INPP5F: variants seen among roughly 807,000 people sequenced by gnomAD.
INPP5F encodes phosphatidylinositide 4-phosphatase SAC2.
Under a neutral mutation model 137.2 loss-of-function variants are expected in INPP5F, and 97 were observed. The ratio of observed to expected loss-of-function variants is 0.71; its 90% CI spans 0.60 to 0.84. The LOEUF (loss-of-function observed/expected upper bound fraction) is 0.84, where lower values mean the gene tolerates loss of function less well. Among genes scored for constraint, INPP5F ranks in the 40% least tolerant of loss-of-function variants. The pLI is 0.00. For missense variants in INPP5F, 1,271 were observed against 1,371.9 expected (o/e 0.93, Z 1.16); for synonymous variants, 504 against 476.9 (o/e 1.06, Z -0.74).
At chr10:119,818,140 C>T (rs1470734758) in intron 15 of INPP5F, among the ~76,000 whole-genome samples, 1 of 152,260 alleles carries the variant, frequency 6.6e-6, no homozygotes, top group East Asian at 1.9e-4. Flanking sequence ...TCTGTCCGGG[C>T]TACCTTAGAC....
intron 6 of INPP5F, among the ~76,000 whole-genome samples, chr10:119,792,844 A>G (rs565192525): frequency 5.9e-5 from 9 of 152,364 alleles, no homozygotes; most frequent in African/African-American, 2.2e-4. Context: ...TCTTTTAGAC[A>G]TTAAACAAAG....
chr10:119,820,188 A>C (rs1463494547), intron 15 of INPP5F, among the ~76,000 whole-genome samples: 2 of 152,200 alleles, frequency 1.3e-5, no homozygotes, highest in African/African-American at 4.8e-5. Context: ...ATTTTACTGT[A>C]GTTTTGGTTT....
chr10:119,827,646 T>A lies in INPP5F; in HGVS notation c.3265T>A (p.Leu1089Ile). The change falls in exon 20 of 20, where the codon TTA becomes ATA. Residue 1089 changes from leucine (L) to isoleucine (I), a missense_variant. Transcript: ENST00000650623. ...GGTTGCTAGTATTACCCAAGCTGGATTAACCCATGGGATAAACTTTGCAGT... is the reference window on the plus strand; with the variant it reads ...GGTTGCTAGTATTACCCAAGCTGGAATAACCCATGGGATAAACTTTGCAGT... Reference protein sequence around the residue: ...VQVASITQAGLTHGINFAVSK... With the variant: ...VQVASITQAGITHGINFAVSK... 6.2e-7 allele frequency: 1 copy of A among 1,614,148 alleles called. No homozygotes were observed. Among genetic ancestry groups the A allele is most frequent in the Non-Finnish European group, 8.5e-7 (1 of 1,179,996 alleles).
chr10:119,786,341 C>T (rs1849914419), intron 3 of INPP5F, among the ~76,000 whole-genome samples: 2 of 152,124 alleles, frequency 1.3e-5, no homozygotes, highest in African/African-American at 4.8e-5. Flanking sequence ...GATCCTGTTG[C>T]CAGTGCTATG....
At chr10:119,742,993 G>A (rs1848420872) in intron 1 of INPP5F, among the ~76,000 whole-genome samples, 1 of 152,102 alleles carries the variant, frequency 6.6e-6, no homozygotes, top group East Asian at 1.9e-4. Context: ...ACTCCATCTG[G>A]CTAAGAAAAA....
At chr10:119,742,321 A>AT (rs1464635121) in intron 1 of INPP5F, among the ~76,000 whole-genome samples, 3 of 151,194 alleles carry the variant, frequency 2.0e-5, no homozygotes, top group African/African-American at 4.9e-5. Context: ...TGCCTGGTTA[A>AT]TTTTTTTTGT....
rs952331068 is a variant in INPP5F at position 119,819,550 on chromosome 10, A to T, written c.1887-1296A>T. 1.9e-6 allele frequency: 3 copies of T among 1,590,996 alleles called. No homozygotes were observed. In the African/African-American group the frequency reaches 4.0e-5, roughly 21 times the overall value. On this transcript the variant is annotated intron_variant, in intron 15 of 19. Coordinates refer to ENST00000650623, the MANE Select transcript of INPP5F (RefSeq NM_014937.4). ...ATTTTCAGAGTGCACGTAAGTATCA[A>T]CGCGTAAAACTTAACATTTTACAGT...
intron 3 of INPP5F, among the ~76,000 whole-genome samples, chr10:119,788,260 G>A (rs1434506254): frequency 6.6e-6 from 1 of 152,172 alleles, no homozygotes; most frequent in African/African-American, 2.4e-5. Flanking sequence ...ACATGCATCA[G>A]TCTTGAGATT....
chr10:119,827,253 A>T lies in INPP5F; in HGVS notation c.2872A>T (p.Ile958Phe). ...GACTGGCTTTGCCAAGCCTATGGAT[A>T]TTTACTGCCACAGATTTGTGCAAGA... ...ILTGFAKPMD[I>F]YCHRFVQDAQ... Residue 958 changes from isoleucine to phenylalanine, a missense_variant, in exon 20 of 20, where the codon ATT becomes TTT. This residue lies in a region of INPP5F where 490 missense variants were observed against 443.7 expected (regional missense o/e 1.10). Transcript: ENST00000650623. The T allele has an allele frequency of 6.2e-7, 1 of 1,614,124 alleles. No individual in the cohort carries two copies. Among genetic ancestry groups the T allele is most frequent in the African/African-American group, 1.3e-5 (1 of 75,034 alleles).
chr10:119,823,880 A>G lies in INPP5F; in HGVS notation c.2227A>G (p.Ile743Val), dbSNP rs374612807. The part of the protein sequence containing the change: ...TKQAMGSDLP[I>V]IEKKLERKSS... ...GCAAGCCATGGGATCGGATTTACCC[A>G]TAATTGAGAAGAAACTTGAGAGGTG... is the stretch of plus-strand genomic sequence containing the variant. Residue 743 changes from isoleucine to valine, a missense_variant, in exon 19 of 20, where the codon ATA becomes GTA. By Grantham distance (29) the Ile-to-Val change is conservative. Transcript: ENST00000650623. 263 of 1,613,658 alleles carry G rather than the reference A, an allele frequency of 1.6e-4. No individual in the cohort carries two copies. The highest frequency in any genetic ancestry group is 2.2e-4 in the Non-Finnish European group (258 of 1,179,736).
chr10:119,794,307 A>G (rs1264719640), intron 6 of INPP5F, among the ~76,000 whole-genome samples: 4 of 152,170 alleles, frequency 2.6e-5, no homozygotes, highest in Non-Finnish European at 5.9e-5. Flanking sequence ...TGGATACAGC[A>G]CATGTTTCAG....
rs764517269 is a variant in INPP5F at position 119,827,577 on chromosome 10, A to C, written c.3196A>C (p.Arg1066=). ...TPSPSESSSS[R]AVSPFAKIRS... is the part of the protein sequence containing the mutation. ...TTCTCCTTCAGAGAGCAGTAGCAGC[A>C]GAGCAGTCTCTCCCTTTGCCAAGAT... Residue 1066 remains arginine, a synonymous_variant, in exon 20 of 20, where the codon AGA becomes CGA. Coordinates refer to ENST00000650623, the MANE Select transcript of INPP5F (RefSeq NM_014937.4). The C allele has an allele frequency of 1.2e-6, 2 of 1,614,070 alleles. No individual in the cohort carries two copies. Among genetic ancestry groups the C allele is most frequent in the African/African-American group, 2.7e-5 (2 of 74,938 alleles).
In INPP5F at chr10:119,751,174, C is replaced by T. The variant is rs1848680749; in HGVS notation, c.178+18C>T. ...TCATTCAGGTATGTTTCTATAAACT[C>T]CTTAAACTTGTCAAATTTATTGTAG... On this transcript the variant is annotated intron_variant, in intron 2 of 19. Transcript: ENST00000650623. The T allele has an allele frequency of 6.9e-7, 1 of 1,441,760 alleles. No homozygotes were observed. Among genetic ancestry groups the T allele is most frequent in the Non-Finnish European group, 9.8e-7 (1 of 1,023,256 alleles). The allele number at this position is 1,441,760 out of a possible 1,614,324, so 89.3% of individuals were successfully genotyped here.
At chr10:119,750,149 G>A (rs1196960135) in intron 1 of INPP5F, among the ~76,000 whole-genome samples, 2 of 152,168 alleles carry the variant, frequency 1.3e-5, no homozygotes, top group East Asian at 3.8e-4. Context: ...AAACTCAAAT[G>A]AATTTGGAGG....
chr10:119,791,659 T>G lies in INPP5F; in HGVS notation c.444+14T>G. ...AATAAAAAGAAAGTAAGAGTTTAAT[T>G]GATATAGGCTTTGAATTCACCTTTG... On this transcript the variant is annotated intron_variant, in intron 4 of 19. Coordinates refer to ENST00000650623, the MANE Select transcript of INPP5F (RefSeq NM_014937.4). The G allele has an allele frequency of 6.3e-7, 1 of 1,582,820 alleles. No homozygotes were observed. The highest frequency in any genetic ancestry group is 1.1e-5 in the South Asian group (1 of 89,328).
chr10:119,818,583 C>T (rs1851391386), intron 15 of INPP5F: 1 of 152,588 alleles, frequency 6.6e-6, no homozygotes, highest in Admixed American at 6.5e-5. Context: ...GGGTCTGTGC[C>T]CTCGTTGGTA....
intron 1 of INPP5F, among the ~76,000 whole-genome samples, chr10:119,737,926 A>T (rs1848262105): frequency 6.6e-6 from 1 of 152,128 alleles, no homozygotes; most frequent in African/African-American, 2.4e-5. Context: ...GACACAGTGA[A>T]AGTGCCTATA....
intron 6 of INPP5F, among the ~76,000 whole-genome samples, chr10:119,794,735 A>C (rs558001358): frequency 1.3e-5 from 1 of 79,482 alleles, no homozygotes; most frequent in Non-Finnish European, 2.7e-5. Flanking sequence ...GCGGCTGGCC[A>C]GGTGGGGGGG....
intron 19 of INPP5F, among the ~76,000 whole-genome samples, chr10:119,824,512 T>C (rs1851689712): frequency 6.6e-6 from 1 of 152,152 alleles, no homozygotes; most frequent in Admixed American, 6.5e-5. Flanking sequence ...TAGTGCCTCG[T>C]GCTGTGGGGA....
Sources: allele counts gnomAD v4.1 joint callset (sites outside exome capture counted in the v4.1 genomes callset), GRCh38; gene constraint gnomAD v4.1.1; regional missense constraint gnomAD v4.1.1; transcripts MANE v1.5; gene names NCBI Gene and HGNC (gene_info 2026-07-23, HGNC 2026-07-21).